FRMD4A: variants seen among roughly 807,000 people sequenced by gnomAD.
The protein encoded by FRMD4A is FERM domain-containing protein 4A.
FRMD4A carries 29 observed loss-of-function variants against 129.1 expected under a neutral mutation model. The observed-to-expected ratio is 0.22, with a 90% CI of 0.17 to 0.31. The LOEUF is 0.31. Ranked by LOEUF, FRMD4A falls within the 10% of genes least tolerant of loss-of-function variation. The pLI is 1.00. For synonymous variants in FRMD4A, 634 were observed against 571.6 expected (o/e 1.11, Z -1.56); for missense variants, 1,272 against 1,375.8 (o/e 0.92, Z 1.19).
At chr10:13,911,837 G>A (rs543496286) in intron 2 of FRMD4A, among the ~76,000 whole-genome samples, 1 of 152,148 alleles carries the variant, frequency 6.6e-6, no homozygotes, top group African/African-American at 2.4e-5. Context: ...GCTAGGATTA[G>A]AGGTATGAGC....
At chr10:13,780,573 GA>G (rs1218450957) in intron 6 of FRMD4A, among the ~76,000 whole-genome samples, 1 of 152,170 alleles carries the variant, frequency 6.6e-6, no homozygotes, top group Non-Finnish European at 1.5e-5. Context: ...ACAGCATGCG[GA>G]CATATGCTCA....
intron 2 of FRMD4A, among the ~76,000 whole-genome samples, chr10:14,084,629 G>A (rs1283993018): frequency 1.3e-5 from 2 of 152,062 alleles, no homozygotes; most frequent in African/African-American, 2.4e-5. Context: ...CAAACCAACC[G>A]GTTCAGAGTT....
intron 2 of FRMD4A, among the ~76,000 whole-genome samples, chr10:13,898,033 C>T (rs116160046): frequency 2.5e-3 from 379 of 151,408 alleles, no homozygotes; most frequent in African/African-American, 8.7e-3. Context: ...TCAAAATGAA[C>T]GGCCAGTCCT....
At chr10:13,700,114 T>A (rs1027740363) in intron 14 of FRMD4A, among the ~76,000 whole-genome samples, 11 of 151,956 alleles carry the variant, frequency 7.2e-5, no homozygotes, top group African/African-American at 2.7e-4. Flanking sequence ...TTTTCTTCTT[T>A]TTTTTTTCTT....
intron 3 of FRMD4A, among the ~76,000 whole-genome samples, chr10:13,825,550 T>A (rs1012532039): frequency 1.3e-5 from 2 of 152,184 alleles, no homozygotes; most frequent in African/African-American, 2.4e-5. Flanking sequence ...AACAGTTTCA[T>A]CCTGAAACCA....
At chr10:13,768,203 G>A (rs1005048141) in intron 6 of FRMD4A, among the ~76,000 whole-genome samples, 9 of 152,096 alleles carry the variant, frequency 5.9e-5, no homozygotes, top group Non-Finnish European at 1.0e-4. Flanking sequence ...GAGGCCTGAG[G>A]TCATTTATCA....
intron 14 of FRMD4A, among the ~76,000 whole-genome samples, chr10:13,697,327 T>C (rs1001263859): frequency 3.9e-5 from 6 of 152,162 alleles, no homozygotes; most frequent in African/African-American, 1.2e-4. Context: ...TGGCTATTTT[T>C]AGTAGATACG....
In FRMD4A at chr10:13,657,185, G is replaced by T; in HGVS notation, c.2404C>A (p.Pro802Thr). Reference protein sequence around the residue: ...ALGSASSGSMPNLAARGGAGG... With the variant: ...ALGSASSGSMTNLAARGGAGG... ...GCACCCCCGCGCGCCGCCAGGTTGG[G>T]CATGCTGCCCGAGCTGGCTGAGCCC... The change falls in exon 22 of 25, where the codon CCC becomes ACC. Residue 802 changes from proline (P) to threonine (T), a missense_variant. Coordinates refer to ENST00000357447, the MANE Select transcript of FRMD4A (RefSeq NM_018027.5). 6.6e-7 allele frequency: 1 copy of T among 1,509,082 alleles called. No homozygotes were observed. The highest frequency in any genetic ancestry group is 1.4e-5 in the African/African-American group (1 of 70,660). 93.5% of individuals were successfully genotyped at this position (1,509,082 alleles called of 1,614,324 possible).
intron 24 of FRMD4A, 127 bp downstream of exon 24, chr10:13,651,776 G>GTATC: frequency 1.5e-6 from 1 of 661,706 alleles, no homozygotes. Context: ...AGTTCCCCAT[G>GTATC]TATCTAGAAA....
intron 2 of FRMD4A, among the ~76,000 whole-genome samples, chr10:13,974,156 C>G (rs188134919): frequency 4.0e-5 from 6 of 151,170 alleles, no homozygotes; most frequent in Non-Finnish European, 8.8e-5. Context: ...TTTTATTCTA[C>G]GACGAAGTAA....
intron 6 of FRMD4A, among the ~76,000 whole-genome samples, chr10:13,770,818 A>G (rs994362900): frequency 3.9e-5 from 6 of 152,126 alleles, no homozygotes; most frequent in African/African-American, 1.4e-4. Flanking sequence ...TTGAAAGTTG[A>G]AAAAGAAGGT....
intron 23 of FRMD4A, chr10:13,654,014 C>G: frequency 3.0e-6 from 1 of 331,116 alleles, no homozygotes; most frequent in South Asian, 7.6e-5. Context: ...GGCTGTTTCA[C>G]CTGCCCCAGT....
chr10:14,310,302 T>A (rs1211667939), intron 2 of FRMD4A, among the ~76,000 whole-genome samples: 1 of 152,174 alleles, frequency 6.6e-6, no homozygotes, highest in Non-Finnish European at 1.5e-5. Flanking sequence ...CCTGGTTTGC[T>A]TTTCACTCCC....
chr10:13,958,344 C>A (rs560594832), intron 2 of FRMD4A, among the ~76,000 whole-genome samples: 3 of 130,846 alleles, frequency 2.3e-5, no homozygotes, highest in African/African-American at 9.1e-5. Context: ...AGTGCAGTGG[C>A]GCGATCTCGG....
intron 2 of FRMD4A, among the ~76,000 whole-genome samples, chr10:14,072,762 A>T (rs1253761664): frequency 6.6e-6 from 1 of 152,224 alleles, no homozygotes; most frequent in Non-Finnish European, 1.5e-5. Flanking sequence ...ATTCCATATC[A>T]GTACATCTCC....
chr10:13,646,997 T>A lies in FRMD4A; in HGVS notation c.*41A>T, dbSNP rs2081155451. On this transcript the variant is annotated 3_prime_UTR_variant, in exon 25 of 25. Coordinates refer to ENST00000357447, the MANE Select transcript of FRMD4A (RefSeq NM_018027.5). Reference sequence around the variant, plus strand: ...CCACTGGACATCAGCTAGTTCTGGATAGAGGGAGGAATCCAGGAAACAGCT... The same window carrying A: ...CCACTGGACATCAGCTAGTTCTGGAAAGAGGGAGGAATCCAGGAAACAGCT... 5 of 982,818 alleles carry A rather than the reference T, an allele frequency of 5.1e-6. No individual in the cohort carries two copies. In the South Asian group the frequency reaches 2.4e-4, roughly 46 times the overall value. The allele number at this position is 982,818 out of a possible 1,614,324, so 60.9% of individuals were successfully genotyped here.
At chr10:14,169,568 A>G (rs543256025) in intron 2 of FRMD4A, among the ~76,000 whole-genome samples, 1 of 152,162 alleles carries the variant, frequency 6.6e-6, no homozygotes, top group Admixed American at 6.5e-5. Context: ...CCTTTACCAA[A>G]AAAACTGGAT....
chr10:13,985,485 G>A (rs2095577793), intron 2 of FRMD4A, among the ~76,000 whole-genome samples: 1 of 152,230 alleles, frequency 6.6e-6, no homozygotes, highest in South Asian at 2.1e-4. Context: ...TTCAGGGAGT[G>A]GGTGTGAGTT....
chr10:13,813,022 C>T (rs1360442435), intron 3 of FRMD4A, among the ~76,000 whole-genome samples: 3 of 152,312 alleles, frequency 2.0e-5, no homozygotes, highest in African/African-American at 2.4e-5. Flanking sequence ...TTGAAGCTTC[C>T]GGTAAATGCT....
Sources: gnomAD v4.1 joint callset for allele counts (sites outside exome capture counted in the v4.1 genomes callset) on GRCh38, gnomAD v4.1.1 for gene constraint, MANE v1.5 for transcripts, NCBI Gene and HGNC (gene_info 2026-07-23, HGNC 2026-07-21) for gene names.